The following RPSA2 variants were observed in gnomAD, a reference collection of about 807,000 sequenced individuals.
The protein encoded by RPSA2 is ribosomal protein SA 2, also known as small ribosomal subunit protein uS2B.
the RPSA2 span, chr19:23,833,237 T>A: frequency 3.9e-6 from 4 of 1,032,896 alleles, no homozygotes; most frequent in Non-Finnish European, 4.6e-6. Flanking sequence ...TGGGAAAAAT[T>A]TGGCAAACCT....
chr19:23,779,487 GCT>G, the RPSA2 span, among the ~76,000 whole-genome samples: 3 of 152,174 alleles, frequency 2.0e-5, no homozygotes, highest in African/African-American at 7.2e-5. Flanking sequence ...GGGTGATTCA[GCT>G]CTCTCACATG....
chr19:23,759,055 A>C, the RPSA2 span, among the ~76,000 whole-genome samples: 1 of 152,108 alleles, frequency 6.6e-6, no homozygotes, highest in East Asian at 1.9e-4. Flanking sequence ...GAAGACTAAC[A>C]ACGTAAGTTG....
chr19:23,846,558 G>A, the RPSA2 span, among the ~76,000 whole-genome samples: 2 of 152,058 alleles, frequency 1.3e-5, no homozygotes, highest in African/African-American at 4.8e-5. Context: ...CAGTCTATTG[G>A]TAGTTAGTTT....
At chr19:23,804,442 A>T in the RPSA2 span, among the ~76,000 whole-genome samples, 1 of 151,226 alleles carries the variant, frequency 6.6e-6, no homozygotes, top group Non-Finnish European at 1.5e-5. Flanking sequence ...GACTACAGGC[A>T]ACCGCCACCA....
chr19:23,770,611 C>G, the RPSA2 span, among the ~76,000 whole-genome samples: 2 of 152,246 alleles, frequency 1.3e-5, no homozygotes, highest in African/African-American at 4.8e-5. Context: ...CCTTTTCTGC[C>G]TGCACCCTGA....
At chr19:23,848,294 T>C in the RPSA2 span, among the ~76,000 whole-genome samples, 317 of 152,318 alleles carry the variant, frequency 2.1e-3, 3 homozygotes, top group African/African-American at 7.3e-3. Context: ...ATCTCTCCCT[T>C]TCTTTTTATA....
chr19:23,783,417 C>T, the RPSA2 span, among the ~76,000 whole-genome samples: 3 of 151,966 alleles, frequency 2.0e-5, no homozygotes, highest in Non-Finnish European at 4.4e-5. Context: ...TTCAACATAT[C>T]TCTGGGTCCA....
At chr19:23,869,914 G>A in the RPSA2 span, among the ~76,000 whole-genome samples, 2 of 152,156 alleles carry the variant, frequency 1.3e-5, no homozygotes, top group Admixed American at 6.5e-5. Context: ...CTTTTTGGCA[G>A]CTAAGGCGGA....
chr19:23,838,494 T>A, the RPSA2 span, among the ~76,000 whole-genome samples: 1 of 152,148 alleles, frequency 6.6e-6, no homozygotes, highest in African/African-American at 2.4e-5. Flanking sequence ...AAAGGTTTGG[T>A]ACCACTTCTT....
chr19:23,782,222 AG>A, the RPSA2 span: 2 of 152,206 alleles, frequency 1.3e-5, no homozygotes, highest in African/African-American at 4.8e-5. Context: ...CCCTAATCAC[AG>A]GGGGTATTGG....
chr19:23,815,917 GTGTT>G, the RPSA2 span, among the ~76,000 whole-genome samples: 2 of 151,110 alleles, frequency 1.3e-5, no homozygotes, highest in African/African-American at 2.4e-5. Context: ...TGTAATATCA[GTGTT>G]TGTCTCATGT....
chr19:23,782,738 G>A, the RPSA2 span, among the ~76,000 whole-genome samples: 148,920 of 152,254 alleles, frequency 0.98, 72,924 homozygotes, highest in Middle Eastern at 1. Context: ...CATAGCTCCT[G>A]TGTGATGTGA....
chr19:23,870,735 A>G, the RPSA2 span, among the ~76,000 whole-genome samples: 2 of 152,238 alleles, frequency 1.3e-5, no homozygotes, highest in Non-Finnish European at 2.9e-5. Context: ...TGCCAATCAG[A>G]AAATAAAGCT....
the RPSA2 span, among the ~76,000 whole-genome samples, chr19:23,767,619 G>A: frequency 6.6e-6 from 1 of 152,064 alleles, no homozygotes; most frequent in Non-Finnish European, 1.5e-5. Context: ...TAATTTAATA[G>A]GCAGGATGGG....
chr19:23,798,876 C>G, the RPSA2 span: 1 of 151,992 alleles, frequency 6.6e-6, no homozygotes, highest in South Asian at 2.1e-4. Context: ...AGCTACCTTG[C>G]AGGTTCATGT....
the RPSA2 span, among the ~76,000 whole-genome samples, chr19:23,821,299 T>C: frequency 0.01 from 1,560 of 152,322 alleles, 29 homozygotes; most frequent in African/African-American, 0.036. Flanking sequence ...TCCAACTGCC[T>C]GGATAAGTAT....
chr19:23,847,235 T>C, the RPSA2 span, among the ~76,000 whole-genome samples: 187 of 152,010 alleles, frequency 1.2e-3, 1 homozygote, highest in Admixed American at 2.6e-3. Context: ...AGGATGTCTA[T>C]CTCCTTGGCA....
the RPSA2 span, chr19:23,832,490 C>T: frequency 5.8e-6 from 3 of 517,950 alleles, no homozygotes; most frequent in Non-Finnish European, 1.0e-5. Context: ...ATGTGGCAAA[C>T]CTTTTAGCCA....
chr19:23,868,642 G>C, the RPSA2 span, among the ~76,000 whole-genome samples: 2 of 152,198 alleles, frequency 1.3e-5, no homozygotes, highest in Non-Finnish European at 2.9e-5. Flanking sequence ...AAGTGTTAGA[G>C]GAAATTAGGA....
Sources: gnomAD v4.1 joint callset for allele counts (sites outside exome capture counted in the v4.1 genomes callset) on GRCh38, gnomAD v4.1.1 for gene constraint, MANE v1.5 for transcripts, NCBI Gene and HGNC (gene_info 2026-07-23, HGNC 2026-07-21) for gene names.